GMEB1: variants seen among roughly 807,000 people sequenced by gnomAD.
The protein encoded by GMEB1 is glucocorticoid modulatory element-binding protein 1.
GMEB1 carries 6 observed loss-of-function variants against 52.4 expected under a neutral mutation model. That is an observed-to-expected ratio of 0.11 (90% CI 0.06 to 0.23). The LOEUF (loss-of-function observed/expected upper bound fraction) is 0.23. Ranked by LOEUF, GMEB1 falls within the 10% of genes least tolerant of loss-of-function variation. GMEB1 has a pLI of 1.00. For synonymous variants in GMEB1, 255 were observed against 244.9 expected (o/e 1.04, Z -0.38); for missense variants, 486 against 685.6 (o/e 0.71, Z 3.25).
In GMEB1 at chr1:28,670,364, G is replaced by A. The variant is rs533538206; in HGVS notation, c.-31+1525G>A. Among the ~76,000 whole-genome samples, 481 of 151,760 alleles carry A rather than the reference G, an allele frequency of 3.2e-3. 3 individuals are homozygous for A. Among genetic ancestry groups the A allele is most frequent in the African/African-American group, 0.01 (433 of 41,392 alleles). The stretch of plus-strand genomic sequence containing the variant: ...TTGTTTGAGACGGAGTTTCACTCCT[G>A]TTGCCCAGACTGGAGTGCAATGGCG... On this transcript the variant is annotated intron_variant, in intron 1 of 9. Transcript: ENST00000373816.
At chr1:28,687,381 C>CAAAAAA (rs1157094477) in intron 2 of GMEB1, among the ~76,000 whole-genome samples, 1,677 of 27,070 alleles carry the variant, frequency 0.062, 465 homozygotes, top group Non-Finnish European at 0.095. Flanking sequence ...CACACACACA[C>CAAAAAA]ACACACAAAA....
At chr1:28,681,369 A>G (rs1041106185) in intron 1 of GMEB1, among the ~76,000 whole-genome samples, 4 of 152,202 alleles carry the variant, frequency 2.6e-5, no homozygotes, top group South Asian at 2.1e-4. Flanking sequence ...CCGCGTCTCA[A>G]AAAAAAGAAA....
At chr1:28,696,638 T>G (rs891312810) in intron 5 of GMEB1, among the ~76,000 whole-genome samples, 4 of 151,400 alleles carry the variant, frequency 2.6e-5, no homozygotes, top group African/African-American at 9.7e-5. Flanking sequence ...CCTAGGAGAG[T>G]TTTTTAAAAG....
chr1:28,691,778 A>G (rs1669975576), intron 4 of GMEB1, 69 bp downstream of exon 4: 1 of 564,256 alleles, frequency 1.8e-6, no homozygotes, highest in Non-Finnish European at 2.9e-6. Flanking sequence ...AGTTCCATGC[A>G]TCCTTTTTAT....
rs1366406088 is a variant in GMEB1 at position 28,700,633 on chromosome 1, C to T, written c.599-1805C>T. ...CTGGGACGCGGAGACTGCCGTGAGCCGAGATCATGCCACTGTACTTCAGCC... is the reference window on the plus strand; with the variant it reads ...CTGGGACGCGGAGACTGCCGTGAGCTGAGATCATGCCACTGTACTTCAGCC... On this transcript the variant is annotated intron_variant, in intron 6 of 9. Coordinates refer to ENST00000373816, the MANE Select transcript of GMEB1 (RefSeq NM_001319674.2). 2.0e-5 allele frequency among the ~76,000 whole-genome samples: 3 copies of T among 150,226 alleles called. No individual in the cohort carries two copies. In the Admixed American group the frequency reaches 2.0e-4, roughly 10 times the overall value.
chr1:28,697,933 A>G (rs539002631), intron 6 of GMEB1, among the ~76,000 whole-genome samples: 209 of 152,098 alleles, frequency 1.4e-3, no homozygotes, highest in African/African-American at 4.9e-3. Context: ...AGGTCAGGAG[A>G]TTGAGACCAT....
At chr1:28,697,159 G>GTAAA in intron 6 of GMEB1, 75 bp downstream of exon 6, 4 of 190,394 alleles carry the variant, frequency 2.1e-5, no homozygotes, top group Non-Finnish European at 2.7e-5. Context: ...TCCCTTGTGT[G>GTAAA]TACATATATA....
rs1557504294 is a variant in GMEB1 at position 28,687,378 on chromosome 1, ACACACACAC to A, written c.129-2725_129-2717del. Among the ~76,000 whole-genome samples, 126 of 126,820 alleles carry A rather than the reference ACACACACAC, an allele frequency of 9.9e-4. 20 individuals are homozygous for A. The highest frequency in any genetic ancestry group is 3.7e-3 in the Middle Eastern group (1 of 268). 83.2% of individuals were successfully genotyped at this position (126,820 alleles called of 152,430 possible). On this transcript the variant is annotated intron_variant, in intron 2 of 9. Coordinates refer to ENST00000373816, the MANE Select transcript of GMEB1 (RefSeq NM_001319674.2). ...CACACACACACACACACACACACAC[ACACACACAC>A]AAAAAAAGACAGTGGAGAATAATGT...
chr1:28,690,203 G>GTTTTTTT lies in GMEB1; in HGVS notation c.211+32_211+38dup, dbSNP rs878890649. On this transcript the variant is annotated intron_variant, in intron 3 of 9. Coordinates refer to ENST00000373816, the MANE Select transcript of GMEB1 (RefSeq NM_001319674.2). ...AAGGGATTGGTAAGGGTTTTTTTGTGTTTTTTTTTTTTTTTTTTTTTGTCA... is the reference window on the plus strand; with the variant it reads ...AAGGGATTGGTAAGGGTTTTTTTGTGTTTTTTTTTTTTTTTTTTTTTTTTTTTTGTCA... The GTTTTTTT allele has an allele frequency of 1.7e-4, 90 of 516,094 alleles. No individual in the cohort carries two copies. The highest frequency in any genetic ancestry group is 3.3e-4 in the South Asian group (14 of 42,622). The allele number at this position is 516,094 out of a possible 1,614,324, so 32.0% of individuals were successfully genotyped here.
At chr1:28,697,114 A>G (rs375600945) in intron 6 of GMEB1, 30 bp downstream of exon 6, 11 of 1,471,356 alleles carry the variant, frequency 7.5e-6, no homozygotes, top group Non-Finnish European at 9.1e-6. Context: ...CTGAAAACCC[A>G]TTGTGTTTTT....
At chr1:28,680,998 T>C (rs1338241727) in intron 1 of GMEB1, among the ~76,000 whole-genome samples, 2 of 152,032 alleles carry the variant, frequency 1.3e-5, no homozygotes, top group Non-Finnish European at 2.9e-5. Flanking sequence ...GAGCTGAGAT[T>C]GTGCCATTGT....
In GMEB1 at chr1:28,716,093, G is replaced by A. The variant is rs77208577; in HGVS notation, c.*1320G>A. 6,735 of 152,254 alleles carry A rather than the reference G, an allele frequency of 0.044. 206 individuals are homozygous for A. The highest frequency in any genetic ancestry group is 0.071 in the Non-Finnish European group (4,847 of 68,148). 9.4% of individuals were successfully genotyped at this position (152,254 alleles called of 1,614,324 possible). On this transcript the variant is annotated 3_prime_UTR_variant, in exon 10 of 10. Transcript: ENST00000373816. ...TAGCCTGGGCGAGGAGTGAAACTCC[G>A]TCTCAAAAAAAAAGAAAGAAATGGA...
rs187252836 is a variant in GMEB1 at position 28,703,623 on chromosome 1, G to C, written c.731-569G>C. On this transcript the variant is annotated intron_variant, in intron 7 of 9. Coordinates refer to ENST00000373816, the MANE Select transcript of GMEB1 (RefSeq NM_001319674.2). ...TGCAGTGAGCTGATATCACGCCATT[G>C]CACTCCAGCCTGGGCAACAAGAACG... is the stretch of plus-strand genomic sequence containing the variant. 1.6e-3 allele frequency among the ~76,000 whole-genome samples: 239 copies of C among 152,024 alleles called. 2 individuals are homozygous for C. Among genetic ancestry groups the C allele is most frequent in the Non-Finnish European group, 6.2e-4 (42 of 68,006 alleles).
chr1:28,675,233 G>A (rs1348553894), intron 1 of GMEB1, among the ~76,000 whole-genome samples: 1 of 150,964 alleles, frequency 6.6e-6, no homozygotes, highest in Non-Finnish European at 1.5e-5. Flanking sequence ...TAGCCAGGAT[G>A]GTCTTGATCT....
At chr1:28,687,387 C>CA (rs1242840628) in intron 2 of GMEB1, among the ~76,000 whole-genome samples, 3 of 41,118 alleles carry the variant, frequency 7.3e-5, no homozygotes, top group Admixed American at 6.6e-4. Flanking sequence ...CACACACACA[C>CA]AAAAAAAGAC....
chr1:28,714,766 A>C lies in GMEB1; in HGVS notation c.1685A>C (p.Glu562Ala). ...CACAATGTGGAGATTGTGGTCTTAG[A>C]GGATTAACTGGGGATCTCAGGGCCA... ...QVHNVEIVVL[E>A]D Residue 562 changes from glutamate to alanine, a missense_variant, in exon 10 of 10, where the codon GAG (glutamate) becomes GCG (alanine). Glu to Ala is a moderately radical substitution (Grantham distance 107). Transcript: ENST00000373816. 6.2e-7 allele frequency: 1 copy of C among 1,603,538 alleles called. No homozygotes were observed. The highest frequency in any genetic ancestry group is 8.5e-7 in the Non-Finnish European group (1 of 1,170,850).
intron 1 of GMEB1, among the ~76,000 whole-genome samples, chr1:28,682,803 A>G (rs189052936): frequency 6.6e-6 from 1 of 152,194 alleles, no homozygotes; most frequent in East Asian, 1.9e-4. Context: ...CAGAAAGTAG[A>G]TGTGATTCCT....
intron 1 of GMEB1, among the ~76,000 whole-genome samples, chr1:28,677,297 G>A (rs1018805002): frequency 6.7e-6 from 1 of 149,874 alleles, no homozygotes; most frequent in Non-Finnish European, 1.5e-5. Context: ...TTGCTCTGTC[G>A]CCCAGGTTGG....
chr1:28,675,448 G>A (rs1245417140), intron 1 of GMEB1, among the ~76,000 whole-genome samples: 5 of 152,064 alleles, frequency 3.3e-5, no homozygotes, highest in Non-Finnish European at 7.4e-5. Flanking sequence ...GGAGACAGGC[G>A]CGGGCAGATC....
Sources: gnomAD v4.1 joint callset for allele counts (sites outside exome capture counted in the v4.1 genomes callset) on GRCh38, gnomAD v4.1.1 for gene constraint, MANE v1.5 for transcripts, NCBI Gene and HGNC (gene_info 2026-07-23, HGNC 2026-07-21) for gene names.